Variants in PEX5L observed in about 807,000 individuals in gnomAD.
PEX5L encodes PEX5-related protein.
In PEX5L, 30 loss-of-function variants were observed where a neutral mutation model predicts 84.0. The ratio of observed to expected loss-of-function variants is 0.36; its 90% CI spans 0.27 to 0.48. The LOEUF (loss-of-function observed/expected upper bound fraction) is 0.48. Among genes scored for constraint, PEX5L ranks in the 20% least tolerant of loss-of-function variants. PEX5L has a pLI of 0.99. For synonymous variants in PEX5L, 270 were observed against 283.1 expected (o/e 0.95, Z 0.46); for missense variants, 533 against 754.6 (o/e 0.71, Z 3.44).
At chr3:179,946,518 T>G (rs1373258216) in intron 2 of PEX5L, among the ~76,000 whole-genome samples, 2 of 152,014 alleles carry the variant, frequency 1.3e-5, no homozygotes, top group Non-Finnish European at 2.9e-5. Context: ...ACTGTTAGAA[T>G]AGAGGGAATA....
chr3:179,870,397 C>T (rs1035590384), intron 7 of PEX5L, among the ~76,000 whole-genome samples: 2 of 152,190 alleles, frequency 1.3e-5, no homozygotes, highest in African/African-American at 4.8e-5. Flanking sequence ...TTAGTGATCT[C>T]TACACTTCTG....
intron 8 of PEX5L, among the ~76,000 whole-genome samples, chr3:179,834,943 C>T (rs941090250): frequency 6.6e-6 from 1 of 152,022 alleles, no homozygotes; most frequent in African/African-American, 2.4e-5. Context: ...CTGATTTCCT[C>T]GTAAGAAGAA....
intron 2 of PEX5L, among the ~76,000 whole-genome samples, chr3:179,958,519 TG>T (rs1781181689): frequency 1.3e-5 from 2 of 152,206 alleles, no homozygotes; most frequent in Non-Finnish European, 2.9e-5. Flanking sequence ...GCTGTGTAAG[TG>T]TGTCTTGTTA....
At chr3:179,814,964 T>C (rs1725472221) in intron 10 of PEX5L, among the ~76,000 whole-genome samples, 1 of 152,210 alleles carries the variant, frequency 6.6e-6, no homozygotes, top group African/African-American at 2.4e-5. Flanking sequence ...CCCTATTGCC[T>C]TTAATTCCTG....
intron 1 of PEX5L, among the ~76,000 whole-genome samples, chr3:180,023,755 C>A (rs1790630060): frequency 6.9e-6 from 1 of 144,394 alleles, no homozygotes; most frequent in Non-Finnish European, 1.5e-5. Flanking sequence ...CATCTACACA[C>A]ACACACGCAC....
At chr3:179,841,234 C>A (rs7625200) in intron 8 of PEX5L, among the ~76,000 whole-genome samples, 3,774 of 152,234 alleles carry the variant, frequency 0.025, 149 homozygotes, top group African/African-American at 0.083. Context: ...CACCAGCCCC[C>A]GCCCCAACCT....
At chr3:179,934,862 C>T (rs1390861980) in intron 2 of PEX5L, among the ~76,000 whole-genome samples, 1 of 152,036 alleles carries the variant, frequency 6.6e-6, no homozygotes, top group Non-Finnish European at 1.5e-5. Flanking sequence ...AAAGCATTTT[C>T]TTTTTACTAG....
chr3:179,883,324 A>AG (rs1296191087), intron 4 of PEX5L, among the ~76,000 whole-genome samples: 7 of 152,186 alleles, frequency 4.6e-5, no homozygotes, highest in African/African-American at 1.7e-4. Flanking sequence ...TTGCTGTAGC[A>AG]GGGGGATTTC....
At chr3:179,815,791 G>A (rs1725839694) in intron 10 of PEX5L, 70 bp downstream of exon 10, 2 of 1,533,978 alleles carry the variant, frequency 1.3e-6, no homozygotes, top group Non-Finnish European at 9.0e-7. Flanking sequence ...ACCCAGCAGA[G>A]TTCTGTGTTA....
rs188279500 is a variant in PEX5L, at chr3:180,035,444, C to T, written c.21+1135G>A. The stretch of plus-strand genomic sequence containing the variant: ...TCAAAACAGGATGATGTTAGTCATA[C>T]GGGAAATCTTTTGGAATTCTGGCAC... On this transcript the variant is annotated intron_variant, in intron 1 of 14. Transcript: ENST00000467460. Among the ~76,000 whole-genome samples the T allele has an allele frequency of 1.6e-4, 24 of 152,128 alleles. No homozygotes were observed. In the East Asian group the frequency reaches 3.5e-3, roughly 22 times the overall value.
At chr3:180,036,521 C>A (rs1172251066) in intron 1 of PEX5L, 58 bp downstream of exon 1, 15 of 1,536,956 alleles carry the variant, frequency 9.8e-6, no homozygotes, top group Non-Finnish European at 5.4e-6. Context: ...CTTGGTGAAC[C>A]GCCTTGCTCT....
intron 7 of PEX5L, 76 bp downstream of exon 7, chr3:179,874,251 A>G: frequency 1.2e-6 from 1 of 865,124 alleles, no homozygotes. Context: ...CTTTTTGTAC[A>G]AAATGAAAAT....
intron 1 of PEX5L, among the ~76,000 whole-genome samples, chr3:179,972,454 T>C (rs1209810370): frequency 6.6e-6 from 1 of 152,042 alleles, no homozygotes; most frequent in Admixed American, 6.6e-5. Context: ...AGCCTTTTTT[T>C]CTCCCAACGC....
chr3:179,850,417 G>A (rs191711771), intron 8 of PEX5L, among the ~76,000 whole-genome samples: 17 of 152,130 alleles, frequency 1.1e-4, no homozygotes, highest in South Asian at 2.1e-4. Context: ...GTGAGCCACC[G>A]TGCCAGGCCT....
intron 2 of PEX5L, among the ~76,000 whole-genome samples, chr3:179,953,858 G>T (rs1048002254): frequency 6.6e-6 from 1 of 152,140 alleles, no homozygotes; most frequent in Non-Finnish European, 1.5e-5. Flanking sequence ...TGAAAGAGCT[G>T]AAAAGGGAAA....
At chr3:179,973,462 T>C (rs1785266433) in intron 1 of PEX5L, 1 of 1,115,560 alleles carries the variant, frequency 9.0e-7, no homozygotes, top group South Asian at 2.2e-5. Flanking sequence ...CTAATTTTTA[T>C]CCATGCACTT....
At chr3:179,956,803 A>G (rs1000542970) in intron 2 of PEX5L, among the ~76,000 whole-genome samples, 2 of 152,228 alleles carry the variant, frequency 1.3e-5, no homozygotes, top group Non-Finnish European at 2.9e-5. Flanking sequence ...TTAACGGTGC[A>G]TCCGGGATAT....
At chr3:179,988,807 T>C (rs1219444098) in intron 1 of PEX5L, among the ~76,000 whole-genome samples, 1 of 152,162 alleles carries the variant, frequency 6.6e-6, no homozygotes, top group Non-Finnish European at 1.5e-5. Flanking sequence ...AGTTAAATCA[T>C]AGGTAACAAC....
intron 2 of PEX5L, among the ~76,000 whole-genome samples, chr3:179,919,546 C>A (rs997228087): frequency 1.3e-5 from 2 of 152,058 alleles, no homozygotes; most frequent in African/African-American, 2.4e-5. Context: ...TTTTTCTTCC[C>A]CCTCGAGTAA....
Sources: gnomAD v4.1 joint callset for allele counts (sites outside exome capture counted in the v4.1 genomes callset) on GRCh38, gnomAD v4.1.1 for gene constraint, MANE v1.5 for transcripts, NCBI Gene and HGNC (gene_info 2026-07-23, HGNC 2026-07-21) for gene names.